The following LYNX1 variants were observed in gnomAD, a reference collection of about 807,000 sequenced individuals.
The protein encoded by LYNX1 is Ly6/neurotoxin 1.
A neutral mutation model predicts 8.3 loss-of-function variants in LYNX1; 8 were observed. The observed-to-expected ratio is 0.97, with a 90% CI of 0.57 to 1.74. LYNX1 has a LOEUF of 1.74. LYNX1 is among the 40% of genes most tolerant of loss of function. LYNX1 has a pLI of 0.00. For synonymous variants in LYNX1, 73 were observed against 67.9 expected (o/e 1.08, Z -0.37); for missense variants, 158 against 159.7 (o/e 0.99, Z 0.06).
At position 142,773,358 on chromosome 8, in the gene LYNX1, T is replaced by A; in HGVS notation, c.*1809A>T. The A allele has an allele frequency of 1.0e-6, 1 of 985,574 alleles. No homozygotes were observed. The highest frequency in any genetic ancestry group is 5.2e-4 in the Middle Eastern group (1 of 1,922). 61.1% of individuals were successfully genotyped at this position (985,574 alleles called of 1,614,324 possible). On this transcript the variant is annotated 3_prime_UTR_variant, in exon 4 of 4. Coordinates refer to ENST00000652477, the MANE Select transcript of LYNX1 (RefSeq NM_177477.4). ...GGGCTACAGCCACAACCACTGGGGG[T>A]AGGGGCGAGGGGAGTCCAGGCCCAC...
rs999097399 is a variant in LYNX1 at position 142,773,608 on chromosome 8, C to G, written c.*1559G>C. The G allele has an allele frequency of 1.0e-6, 1 of 985,386 alleles. No homozygotes were observed. The highest frequency in any genetic ancestry group is 1.2e-6 in the Non-Finnish European group (1 of 830,032). The allele number at this position is 985,386 out of a possible 1,614,324, so 61.0% of individuals were successfully genotyped here. A position where few individuals can be genotyped will look rare whatever the true frequency, so the allele number is the denominator to read the frequency against. Reference sequence around the variant, plus strand: ...ACTGAAGCTGGGCACTCAGAACCAGCCCCAGGAGCAGAACGCAGGCCTGCA... The same window carrying G: ...ACTGAAGCTGGGCACTCAGAACCAGGCCCAGGAGCAGAACGCAGGCCTGCA... On this transcript the variant is annotated 3_prime_UTR_variant, in exon 4 of 4. Coordinates refer to ENST00000652477, the MANE Select transcript of LYNX1 (RefSeq NM_177477.4).
At chr8:142,776,861 T>G (rs1815444551) in intron 1 of LYNX1, 2 of 152,258 alleles carry the variant, frequency 1.3e-5, no homozygotes, top group Non-Finnish European at 2.9e-5. Flanking sequence ...CTCCTACCCC[T>G]GCCGGGATAC....
rs941707137 is a variant in LYNX1, at chr8:142,771,205, G to T, written c.*3962C>A. Reference sequence around the variant, plus strand: ...GGCTGGAGAGAAGCGCAGACAATGCGAATCTGTTGATTTATTTACGGCTCG... The same window carrying T: ...GGCTGGAGAGAAGCGCAGACAATGCTAATCTGTTGATTTATTTACGGCTCG... On this transcript the variant is annotated 3_prime_UTR_variant, in exon 4 of 4. Transcript: ENST00000652477. The T allele has an allele frequency of 2.0e-6, 2 of 985,416 alleles. No individual in the cohort carries two copies. The highest frequency in any genetic ancestry group is 2.4e-6 in the Non-Finnish European group (2 of 829,994). 61.0% of individuals were successfully genotyped at this position (985,416 alleles called of 1,614,324 possible).
In LYNX1 at chr8:142,772,181, T is replaced by G. The variant is rs911209254; in HGVS notation, c.*2986A>C. 3.0e-6 allele frequency: 3 copies of G among 986,028 alleles called. No homozygotes were observed. In the African/African-American group the frequency reaches 5.2e-5, roughly 17 times the overall value. The allele number at this position is 986,028 out of a possible 1,614,324, so 61.1% of individuals were successfully genotyped here. On this transcript the variant is annotated 3_prime_UTR_variant, in exon 4 of 4. Transcript: ENST00000652477. ...CAGCCACTCCTGAGTCACTCGGGCA[T>G]GTCCAGGACTCAGGTCCACACAGAC... is the stretch of plus-strand genomic sequence containing the variant.
In LYNX1 at chr8:142,774,149, T is replaced by TGGCCCCCCCCC; in HGVS notation, c.*1017_*1018insGGGGGGGGGCC. On this transcript the variant is annotated 3_prime_UTR_variant, in exon 4 of 4. Transcript: ENST00000652477. ...CGGGGGAGGGGCTGGGTCTCCGCCC[T>TGGCCCCCCCCC]CCCCACCCCACCCTCCCCACTCCCG... 6.9e-6 allele frequency: 5 copies of TGGCCCCCCCCC among 725,200 alleles called. No homozygotes were observed. The highest frequency in any genetic ancestry group is 2.3e-5 in the African/African-American group (1 of 44,412). 44.9% of individuals were successfully genotyped at this position (725,200 alleles called of 1,614,324 possible).
chr8:142,777,852 C>CGTCGTTT, upstream of LYNX1: 1 of 398,774 alleles, frequency 2.5e-6, no homozygotes, highest in Non-Finnish European at 4.4e-6. Flanking sequence ...GCCCGCGCCG[C>CGTCGTTT]GTCGTTTGTC....
chr8:142,773,748 G>T lies in LYNX1; in HGVS notation c.*1419C>A. On this transcript the variant is annotated 3_prime_UTR_variant, in exon 4 of 4. Coordinates refer to ENST00000652477, the MANE Select transcript of LYNX1 (RefSeq NM_177477.4). ...TTCCAGCAGGGGCTCCCCTGACCAG[G>T]GCCATACTTTGGGGCCGGGACAATC... The T allele has an allele frequency of 2.0e-6, 2 of 985,336 alleles. No individual in the cohort carries two copies. The highest frequency in any genetic ancestry group is 2.4e-6 in the Non-Finnish European group (2 of 829,924). The allele number at this position is 985,336 out of a possible 1,614,324, so 61.0% of individuals were successfully genotyped here.
Position 142,771,599 on chromosome 8 carries a change from T to A in LYNX1, c.*3568A>T. ...CTGAGGGGCTGGCAGATTCAGGCCC[T>A]CCCTGCGAGCTGAGGTTTGAAGAGG... On this transcript the variant is annotated 3_prime_UTR_variant, in exon 4 of 4. Coordinates refer to ENST00000652477, the MANE Select transcript of LYNX1 (RefSeq NM_177477.4). 1.0e-6 allele frequency: 1 copy of A among 985,594 alleles called. No homozygotes were observed. The highest frequency in any genetic ancestry group is 1.2e-6 in the Non-Finnish European group (1 of 829,966). The allele number at this position is 985,594 out of a possible 1,614,324, so 61.1% of individuals were successfully genotyped here.
rs1476942577 is a variant in LYNX1 at position 142,772,270 on chromosome 8, A to T, written c.*2897T>A. The T allele has an allele frequency of 1.0e-6, 1 of 985,702 alleles. No homozygotes were observed. Among genetic ancestry groups the T allele is most frequent in the Non-Finnish European group, 1.2e-6 (1 of 830,028 alleles). 61.1% of individuals were successfully genotyped at this position (985,702 alleles called of 1,614,324 possible). On this transcript the variant is annotated 3_prime_UTR_variant, in exon 4 of 4. Transcript: ENST00000652477. ...GGGGACCCTCGGTTCTGCGAGAGAG[A>T]TCCCCGAAGTGGGAACTGGGCCCCC...
At chr8:142,775,559 C>G in intron 3 of LYNX1, 34 bp downstream of exon 3, 1 of 1,565,374 alleles carries the variant, frequency 6.4e-7, no homozygotes, top group Non-Finnish European at 8.7e-7. Context: ...CTTCGTGCTC[C>G]CCAGGCAGGG....
upstream of LYNX1, chr8:142,777,642 C>A (rs1047271005): frequency 1.3e-5 from 5 of 395,592 alleles, no homozygotes; most frequent in African/African-American, 4.1e-5. Flanking sequence ...GGCCCGGACC[C>A]GTCCCCGGAC....
Position 142,775,256 on chromosome 8 carries a change from A to G in LYNX1, c.262T>C (p.Tyr88His). The G allele has an allele frequency of 6.2e-7, 1 of 1,613,970 alleles. No homozygotes were observed. Among genetic ancestry groups the G allele is most frequent in the Non-Finnish European group, 8.5e-7 (1 of 1,179,998 alleles). ...KHASTTSCCQ[Y>H]DLCNGTGLAT... The stretch of plus-strand genomic sequence containing the variant: ...AGGCCGGTGCCGTTGCAGAGGTCGT[A>G]CTGGCAGCAGGAGGTGGTGGACGCG... The change falls in exon 4 of 4, where the codon TAC becomes CAC. Residue 88 changes from tyrosine (Y) to histidine (H), a missense_variant. Tyr to His is a moderately conservative substitution (Grantham distance 83). Coordinates refer to ENST00000652477, the MANE Select transcript of LYNX1 (RefSeq NM_177477.4).
rs748608477 is a variant in LYNX1 at position 142,771,759 on chromosome 8, G to C, written c.*3408C>G. 1 of 985,600 alleles carries C rather than the reference G, an allele frequency of 1.0e-6. No individual in the cohort carries two copies. The highest frequency in any genetic ancestry group is 1.2e-6 in the Non-Finnish European group (1 of 829,928). 61.1% of individuals were successfully genotyped at this position (985,600 alleles called of 1,614,324 possible). On this transcript the variant is annotated 3_prime_UTR_variant, in exon 4 of 4. Transcript: ENST00000652477. ...CCAAATCGCCTTCATGAGAGATGACGAATCAGATGCTACATAGTGGGGGAG... is the reference window on the plus strand; with the variant it reads ...CCAAATCGCCTTCATGAGAGATGACCAATCAGATGCTACATAGTGGGGGAG...
intron 1 of LYNX1, chr8:142,776,639 G>A (rs946514019): frequency 1.3e-5 from 2 of 154,176 alleles, no homozygotes; most frequent in African/African-American, 4.8e-5. Flanking sequence ...CAGAGCCCTG[G>A]TTAGGGTTGT....
Position 142,774,549 on chromosome 8 carries a change from TG to T in LYNX1, c.*617del, listed in dbSNP as rs1225729850. On this transcript the variant is annotated 3_prime_UTR_variant, in exon 4 of 4. Coordinates refer to ENST00000652477, the MANE Select transcript of LYNX1 (RefSeq NM_177477.4). The stretch of plus-strand genomic sequence containing the variant: ...AAAGCTTCTGTGACTTCGGGGGCCC[TG>T]GGGCCTGCTGAGGCAGAGCCGCCCC... The T allele has an allele frequency of 1.8e-5, 18 of 985,606 alleles. No individual in the cohort carries two copies. The highest frequency in any genetic ancestry group is 5.2e-4 in the Middle Eastern group (1 of 1,936). The allele number at this position is 985,606 out of a possible 1,614,324, so 61.1% of individuals were successfully genotyped here.
rs769932215 is a variant in LYNX1 at position 142,775,145 on chromosome 8, G to A, written c.*22C>T. The A allele has an allele frequency of 2.5e-6, 4 of 1,604,238 alleles. No individual in the cohort carries two copies. Among genetic ancestry groups the A allele is most frequent in the Non-Finnish European group, 3.4e-6 (4 of 1,176,124 alleles). On this transcript the variant is annotated 3_prime_UTR_variant, in exon 4 of 4. Coordinates refer to ENST00000652477, the MANE Select transcript of LYNX1 (RefSeq NM_177477.4). Reference sequence around the variant, plus strand: ...AGTGTGTCTCGAGAGCTTTGTTCTTGAGTGGGTCTGCCTCGGGGGCTTTAG... The same window carrying A: ...AGTGTGTCTCGAGAGCTTTGTTCTTAAGTGGGTCTGCCTCGGGGGCTTTAG...
intron 1 of LYNX1, chr8:142,776,338 T>C (rs1815422885): frequency 6.7e-6 from 2 of 298,934 alleles, no homozygotes; most frequent in Non-Finnish European, 6.6e-6. Flanking sequence ...AAACAGCCTG[T>C]AGCGCTGGAT....
Position 142,773,181 on chromosome 8 carries a change from T to C in LYNX1, c.*1986A>G. On this transcript the variant is annotated 3_prime_UTR_variant, in exon 4 of 4. Coordinates refer to ENST00000652477, the MANE Select transcript of LYNX1 (RefSeq NM_177477.4). ...GAGCCCAAAGCCGCCTCCCTCCCGGTAAGCATCCCAAGGCATCGCTGGCTG... is the reference window on the plus strand; with the variant it reads ...GAGCCCAAAGCCGCCTCCCTCCCGGCAAGCATCCCAAGGCATCGCTGGCTG... The C allele has an allele frequency of 1.0e-6, 1 of 985,648 alleles. No homozygotes were observed. The highest frequency in any genetic ancestry group is 1.2e-6 in the Non-Finnish European group (1 of 830,118). The allele number at this position is 985,648 out of a possible 1,614,324, so 61.1% of individuals were successfully genotyped here.
Position 142,773,097 on chromosome 8 carries a change from C to A in LYNX1, c.*2070G>T, listed in dbSNP as rs587610490. ...CCCTGGCTGAGGAAGCCACCCAACC[C>A]GACAATGGGCTTGCGCAAGCCGCGC... On this transcript the variant is annotated 3_prime_UTR_variant, in exon 4 of 4. Coordinates refer to ENST00000652477, the MANE Select transcript of LYNX1 (RefSeq NM_177477.4). 1 of 985,510 alleles carries A rather than the reference C, an allele frequency of 1.0e-6. No individual in the cohort carries two copies. Among genetic ancestry groups the A allele is most frequent in the Non-Finnish European group, 1.2e-6 (1 of 829,980 alleles). 61.0% of individuals were successfully genotyped at this position (985,510 alleles called of 1,614,324 possible).
Sources: allele counts gnomAD v4.1 joint callset, GRCh38; gene constraint gnomAD v4.1.1; transcripts MANE v1.5; gene names NCBI Gene and HGNC (gene_info 2026-07-23, HGNC 2026-07-21).